The following SPMIP2 variants were observed in gnomAD, a reference collection of about 807,000 sequenced individuals.
The protein encoded by SPMIP2 is sperm microtubule inner protein 2.
At chr4:159,020,320 A>G in the SPMIP2 span, among the ~76,000 whole-genome samples, 1 of 152,158 alleles carries the variant, frequency 6.6e-6, no homozygotes, top group Admixed American at 6.5e-5. Context: ...GGGTAAGGGT[A>G]TATCAGTCAT....
At chr4:158,903,432 C>A in the SPMIP2 span, among the ~76,000 whole-genome samples, 3 of 152,260 alleles carry the variant, frequency 2.0e-5, no homozygotes, top group South Asian at 6.2e-4. Flanking sequence ...GGCCGTCTTG[C>A]CTTATTAGAT....
chr4:158,926,277 G>A, the SPMIP2 span, among the ~76,000 whole-genome samples: 2 of 151,296 alleles, frequency 1.3e-5, no homozygotes, highest in Non-Finnish European at 2.9e-5. Flanking sequence ...AAGGTGTAAG[G>A]TTAGGTTCTT....
the SPMIP2 span, among the ~76,000 whole-genome samples, chr4:159,054,767 G>A: frequency 1.3e-5 from 2 of 152,138 alleles, no homozygotes; most frequent in Non-Finnish European, 2.9e-5. Flanking sequence ...TCCTCCACCA[G>A]CTCAGCTGCT....
the SPMIP2 span, among the ~76,000 whole-genome samples, chr4:158,984,802 C>T: frequency 0.63 from 94,708 of 150,030 alleles, 30,241 homozygotes; most frequent in Middle Eastern, 0.71. Context: ...CTGAAGGAAA[C>T]AGAGACACAA....
At chr4:159,034,900 A>C in the SPMIP2 span, 1 of 700,820 alleles carries the variant, frequency 1.4e-6, no homozygotes, top group Non-Finnish European at 2.3e-6. Flanking sequence ...CAAAAAAAAA[A>C]ACCCAAAAAA....
the SPMIP2 span, among the ~76,000 whole-genome samples, chr4:158,968,676 T>G: frequency 1.3e-5 from 2 of 152,226 alleles, no homozygotes; most frequent in African/African-American, 4.8e-5. Context: ...TGTTGATACC[T>G]CAGTTTCCTC....
chr4:159,077,540 T>C, the SPMIP2 span, among the ~76,000 whole-genome samples: 3 of 152,232 alleles, frequency 2.0e-5, 1 homozygote, highest in Admixed American at 2.0e-4. Flanking sequence ...AGGTTAGTAA[T>C]ACTTTCTTAT....
chr4:159,049,158 G>A, the SPMIP2 span, among the ~76,000 whole-genome samples: 6,322 of 152,250 alleles, frequency 0.042, 193 homozygotes, highest in Non-Finnish European at 0.061. Flanking sequence ...ATAAAGCAAC[G>A]TCAGTTTGTG....
At chr4:159,065,125 T>C in the SPMIP2 span, among the ~76,000 whole-genome samples, 2 of 152,246 alleles carry the variant, frequency 1.3e-5, no homozygotes, top group Non-Finnish European at 1.5e-5. Context: ...CACTTTTATT[T>C]TGAAAGACCC....
the SPMIP2 span, among the ~76,000 whole-genome samples, chr4:159,005,799 C>G: frequency 1.3e-5 from 2 of 152,126 alleles, no homozygotes. Context: ...GAGTTTCACT[C>G]TGTTGCCCAG....
chr4:158,978,015 G>T, the SPMIP2 span, among the ~76,000 whole-genome samples: 8 of 152,212 alleles, frequency 5.3e-5, no homozygotes, highest in Admixed American at 3.9e-4. Context: ...TGATGTTAGG[G>T]TGTTGTTTTA....
the SPMIP2 span, among the ~76,000 whole-genome samples, chr4:159,029,944 A>G: frequency 1.3e-5 from 2 of 152,246 alleles, no homozygotes; most frequent in Non-Finnish European, 2.9e-5. Flanking sequence ...GTATTTTAAA[A>G]GGAAATATAT....
At chr4:158,948,368 C>T in the SPMIP2 span, among the ~76,000 whole-genome samples, 1 of 152,062 alleles carries the variant, frequency 6.6e-6, no homozygotes, top group African/African-American at 2.4e-5. Flanking sequence ...TTCTACCTTC[C>T]TACTTGCTCA....
the SPMIP2 span, among the ~76,000 whole-genome samples, chr4:159,000,200 T>C: frequency 1.3e-5 from 2 of 152,202 alleles, no homozygotes; most frequent in Non-Finnish European, 2.9e-5. Flanking sequence ...GAAACATTTT[T>C]AGTATAAGTA....
chr4:159,002,405 T>G, the SPMIP2 span, among the ~76,000 whole-genome samples: 3 of 152,180 alleles, frequency 2.0e-5, no homozygotes, highest in South Asian at 6.2e-4. Flanking sequence ...CCATAGGTGT[T>G]ACACCTAAAA....
chr4:159,007,224 C>A, the SPMIP2 span: 1 of 1,376,908 alleles, frequency 7.3e-7, no homozygotes, highest in Non-Finnish European at 1.0e-6. Flanking sequence ...TCTACAGATT[C>A]TTGCCACAGA....
the SPMIP2 span, among the ~76,000 whole-genome samples, chr4:159,046,650 G>A: frequency 9.2e-5 from 14 of 152,284 alleles, no homozygotes; most frequent in East Asian, 2.3e-3. Flanking sequence ...TTGGCTCACC[G>A]CAACCTCCAC....
the SPMIP2 span, among the ~76,000 whole-genome samples, chr4:158,968,976 C>T: frequency 6.6e-6 from 1 of 152,138 alleles, no homozygotes; most frequent in East Asian, 1.9e-4. Flanking sequence ...CCTCATATTA[C>T]ATATAAATAT....
At chr4:158,993,412 G>A in the SPMIP2 span, among the ~76,000 whole-genome samples, 1 of 151,850 alleles carries the variant, frequency 6.6e-6, no homozygotes, top group Non-Finnish European at 1.5e-5. Context: ...CAACTACAAT[G>A]TGTGTTAATA....
Sources: allele counts gnomAD v4.1 joint callset (sites outside exome capture counted in the v4.1 genomes callset), GRCh38; gene constraint gnomAD v4.1.1; transcripts MANE v1.5; gene names NCBI Gene and HGNC (gene_info 2026-07-23, HGNC 2026-07-21).